The following EDNRB variants were observed in gnomAD, a reference collection of about 807,000 sequenced individuals.
EDNRB encodes Hirschsprung disease 2.
Under a neutral mutation model 46.4 loss-of-function variants are expected in EDNRB, and 18 were observed. That is an observed-to-expected ratio of 0.39 (90% confidence interval 0.27 to 0.57). The LOEUF (loss-of-function observed/expected upper bound fraction) is 0.57. EDNRB is among the 20% of genes least tolerant of loss of function. The probability of loss-of-function intolerance (pLI) is 0.61; values close to 1 mark genes in which losing one functional copy is unlikely to be tolerated. For synonymous variants in EDNRB, 213 were observed against 204.9 expected (o/e 1.04, Z -0.34); for missense variants, 434 against 537.5 (o/e 0.81, Z 1.90).
intron 1 of EDNRB, among the ~76,000 whole-genome samples, chr13:77,954,254 A>AT (rs1301027672): frequency 4.6e-5 from 7 of 152,084 alleles, no homozygotes; most frequent in Non-Finnish European, 8.8e-5. Flanking sequence ...ATATCTGTAA[A>AT]TTTATACAAG....
chr13:77,969,587 T>C (rs1441547665), intron 1 of EDNRB, among the ~76,000 whole-genome samples: 2 of 152,142 alleles, frequency 1.3e-5, no homozygotes, highest in African/African-American at 4.8e-5. Context: ...TGGGGTAACG[T>C]GAATCTCTCT....
At chr13:77,929,200 A>G (rs910702271) in intron 1 of EDNRB, among the ~76,000 whole-genome samples, 1 of 152,190 alleles carries the variant, frequency 6.6e-6, no homozygotes, top group African/African-American at 2.4e-5. Flanking sequence ...TAGGCTCCAA[A>G]CCATGAATTG....
Position 77,968,604 on chromosome 13 carries a change from TAAA to T in EDNRB, c.-52+6740_-52+6742del, listed in dbSNP as rs1881643274. Among the ~76,000 whole-genome samples, 5 of 151,990 alleles carry T rather than the reference TAAA, an allele frequency of 3.3e-5. No homozygotes were observed. The South Asian group carries it at 8.3e-4, about 25-fold the overall frequency. ...ATGAGTGAGTAAATAAACATGAAAA[TAAA>T]AATAATTATAAGTTTTATTAAGTGC... On this transcript the variant is annotated intron_variant, in intron 1 of 7. Transcript: ENST00000646948.
At chr13:77,960,492 A>G (rs913548975) in intron 1 of EDNRB, among the ~76,000 whole-genome samples, 14 of 152,178 alleles carry the variant, frequency 9.2e-5, no homozygotes, top group African/African-American at 3.4e-4. Flanking sequence ...AAATTCGGAG[A>G]GATTTTGTCA....
At chr13:77,960,488 G>A (rs989569529) in intron 1 of EDNRB, among the ~76,000 whole-genome samples, 5 of 152,130 alleles carry the variant, frequency 3.3e-5, no homozygotes, top group Admixed American at 1.3e-4. Context: ...AAGCAAATTC[G>A]GAGAGATTTT....
chr13:77,915,436 T>C (rs781162414), intron 1 of EDNRB, among the ~76,000 whole-genome samples: 1 of 152,202 alleles, frequency 6.6e-6, no homozygotes, highest in Admixed American at 6.5e-5. Context: ...GAGATGACCA[T>C]GCAGTGCCTG....
rs199521140 is a variant in EDNRB, at chr13:77,903,209, T to C, written c.748A>G (p.Ser250Gly). Residue 250 changes from serine to glycine, a missense_variant, in exon 3 of 7, where the codon AGT (serine) becomes GGT (glycine). Coordinates refer to ENST00000646607, the MANE Select transcript of EDNRB (RefSeq NM_001122659.3). ...FDIITMDYKG[S>G]YLRICLLHPV... ...TGAAGCAAGCAGATTCGCAGATAACTTCCTTTGTAGTCCATCGTAATTATA... is the reference window on the plus strand; with the variant it reads ...TGAAGCAAGCAGATTCGCAGATAACCTCCTTTGTAGTCCATCGTAATTATA... The C allele has an allele frequency of 1.6e-5, 25 of 1,612,874 alleles. No individual in the cohort carries two copies. Among genetic ancestry groups the C allele is most frequent in the Non-Finnish European group, 2.1e-5 (25 of 1,179,348 alleles).
chr13:77,956,760 C>T (rs902384181), intron 1 of EDNRB, among the ~76,000 whole-genome samples: 1 of 152,204 alleles, frequency 6.6e-6, no homozygotes, highest in Non-Finnish European at 1.5e-5. Flanking sequence ...AGAGGCCACC[C>T]ACATTCCTTG....
intron 1 of EDNRB, among the ~76,000 whole-genome samples, chr13:77,932,590 C>T (rs1183972188): frequency 6.6e-6 from 1 of 152,274 alleles, no homozygotes; most frequent in South Asian, 2.1e-4. Context: ...AGATCTGGGA[C>T]CTTAGACCAA....
At chr13:77,962,893 C>T (rs1412683943) in intron 1 of EDNRB, among the ~76,000 whole-genome samples, 1 of 152,194 alleles carries the variant, frequency 6.6e-6, no homozygotes, top group Non-Finnish European at 1.5e-5. Context: ...AACCCAAAAT[C>T]TCCTTAAGCT....
intron 1 of EDNRB, among the ~76,000 whole-genome samples, chr13:77,943,778 A>G (rs1880819352): frequency 6.6e-6 from 1 of 152,040 alleles, no homozygotes; most frequent in South Asian, 2.1e-4. Context: ...GACTTCAGCA[A>G]TCAGAAATAT....
At chr13:77,914,904 T>G (rs1566314345) in intron 1 of EDNRB, among the ~76,000 whole-genome samples, 1 of 152,192 alleles carries the variant, frequency 6.6e-6, no homozygotes, top group East Asian at 1.9e-4. Flanking sequence ...ATGGAATAGA[T>G]TCACATTGAC....
intron 1 of EDNRB, among the ~76,000 whole-genome samples, chr13:77,950,410 G>A (rs959226162): frequency 6.6e-5 from 10 of 152,284 alleles, no homozygotes; most frequent in Admixed American, 2.0e-4. Flanking sequence ...TAAGGAATAG[G>A]GGACAATGGG....
intron 1 of EDNRB, among the ~76,000 whole-genome samples, chr13:77,955,893 C>A (rs1314907045): frequency 6.9e-6 from 1 of 144,638 alleles, no homozygotes; most frequent in Non-Finnish European, 1.5e-5. Context: ...ATCTATCTAT[C>A]TATTTTTATG....
chr13:77,947,907 T>C (rs1464677410), intron 1 of EDNRB: 1 of 151,988 alleles, frequency 6.6e-6, no homozygotes, highest in Non-Finnish European at 1.5e-5. Flanking sequence ...CCAACCACCG[T>C]GCCCTGTGCT....
chr13:77,935,469 A>G (rs149679715), intron 1 of EDNRB, among the ~76,000 whole-genome samples: 1 of 152,296 alleles, frequency 6.6e-6, no homozygotes, highest in Non-Finnish European at 1.5e-5. Context: ...AGTTTATATA[A>G]TGGTTTTGTT....
At chr13:77,919,264 A>G (rs756151195), upstream of EDNRB, 1 of 965,214 alleles carries the variant, frequency 1.0e-6, no homozygotes. Context: ...CCTTTACCCA[A>G]CCTAATTTTA....
rs146954243 is a variant in EDNRB, at chr13:77,915,092, T to A, written c.483+2999A>T. On this transcript the variant is annotated intron_variant, in intron 1 of 6. Transcript: ENST00000646607. ...TAGGATATATTAAATATAGCCTTCATAACTCATTTAAATTACTTTTTTCTG... is the reference window on the plus strand; with the variant it reads ...TAGGATATATTAAATATAGCCTTCAAAACTCATTTAAATTACTTTTTTCTG... Among the ~76,000 whole-genome samples the A allele has an allele frequency of 7.3e-3, 1,118 of 152,312 alleles. 13 individuals are homozygous for A. The highest frequency in any genetic ancestry group is 0.025 in the African/African-American group (1,039 of 41,570).
intron 1 of EDNRB, among the ~76,000 whole-genome samples, chr13:77,956,250 T>C (rs1309736040): frequency 3.3e-5 from 5 of 152,216 alleles, no homozygotes; most frequent in Admixed American, 2.0e-4. Context: ...CTTGGTTAGA[T>C]TTATTCCTAA....
Sources: allele counts gnomAD v4.1 joint callset (sites outside exome capture counted in the v4.1 genomes callset), GRCh38; gene constraint gnomAD v4.1.1; transcripts MANE v1.5; gene names NCBI Gene and HGNC (gene_info 2026-07-23, HGNC 2026-07-21).